Variants in FBXO32 observed in about 807,000 individuals in gnomAD.
FBXO32 encodes F-box only protein 32.
In FBXO32, 15 loss-of-function variants were observed where a neutral mutation model predicts 48.3. The observed-to-expected ratio is 0.31, with a 90% CI of 0.21 to 0.48. The LOEUF (loss-of-function observed/expected upper bound fraction) is 0.48, where lower values mean the gene tolerates loss of function less well. FBXO32 is among the 20% of genes least tolerant of loss of function. FBXO32 has a pLI of 0.99. For missense variants in FBXO32, 309 were observed against 432.7 expected, an observed-to-expected ratio of 0.71 and a Z score of 2.54; for synonymous variants, 154 against 165.9, an observed-to-expected ratio of 0.93 and a Z score of 0.55.
chr8:123,507,438 G>GGGGTGTGTGTGTGT (rs371377453), intron 6 of FBXO32, among the ~76,000 whole-genome samples: 271 of 139,886 alleles, frequency 1.9e-3, no homozygotes, highest in African/African-American at 4.3e-3. Context: ...TCTGTGCTAG[G>GGGGTGTGTGTGTGT]GTGTGTGTGT....
chr8:123,513,171 G>A lies in FBXO32; in HGVS notation c.651+27C>T, dbSNP rs375536292. On this transcript the variant is annotated intron_variant, in intron 6 of 8. Transcript: ENST00000517956. This position sits in a 1 kb window ranked among gnomAD's most constrained non-coding sequence, Gnocchi z 4.3. ...TATCCCTGTGGAGGGACCCACTGCC[G>A]GGAGGAGGCTGGGCCTGCCCGCTTA... 104 of 1,612,924 alleles carry A rather than the reference G, an allele frequency of 6.4e-5. No homozygotes were observed. The highest frequency in any genetic ancestry group is 7.8e-5 in the Non-Finnish European group (92 of 1,179,226).
intron 6 of FBXO32, among the ~76,000 whole-genome samples, chr8:123,508,762 C>CT (rs1816679801): frequency 6.6e-6 from 1 of 152,110 alleles, no homozygotes; most frequent in South Asian, 2.1e-4. Flanking sequence ...AAAGCCTCTA[C>CT]TTTTTTGGTT....
chr8:123,528,541 T>C (rs1321057812), intron 4 of FBXO32, among the ~76,000 whole-genome samples: 4 of 152,240 alleles, frequency 2.6e-5, no homozygotes, highest in Non-Finnish European at 5.9e-5. Context: ...ACTGTCTTTA[T>C]GTCATTGGGG....
Position 123,540,958 on chromosome 8 carries a change from G to C in FBXO32, c.57C>G (p.Ala19=), listed in dbSNP as rs754378160. The change falls in exon 1 of 9, where the codon GCC becomes GCG. Residue 19 remains alanine (A), a synonymous_variant. Coordinates refer to ENST00000517956, the MANE Select transcript of FBXO32 (RefSeq NM_058229.4). This position sits in a 1 kb window ranked among gnomAD's most constrained non-coding sequence, Gnocchi z 6.4. Reference sequence around the variant, plus strand: ...CATCCAGGAAGCGCTTCCAGCCGTCGGCCGTCTTCACCCAGTTCTGCCCGG... The same window carrying C: ...CATCCAGGAAGCGCTTCCAGCCGTCCGCCGTCTTCACCCAGTTCTGCCCGG... ...RSPGQNWVKT[A]DGWKRFLDEK... 4.3e-6 allele frequency: 7 copies of C among 1,613,444 alleles called. No individual in the cohort carries two copies. The African/African-American group carries it at 6.7e-5, about 15-fold the overall frequency.
In FBXO32 at chr8:123,499,490, A is replaced by C. The variant is rs1052766188; in HGVS notation, c.*3883T>G. ...AGATTAAAAAAAAAAAAAAGATGTC[A>C]ACATAGAAAATGATGATAGAGTTTA... On this transcript the variant is annotated 3_prime_UTR_variant, in exon 9 of 9. Transcript: ENST00000517956. 1 of 152,080 alleles carries C rather than the reference A, an allele frequency of 6.6e-6. No individual in the cohort carries two copies. Among genetic ancestry groups the C allele is most frequent in the Non-Finnish European group, 1.5e-5 (1 of 68,018 alleles). The allele number at this position is 152,080 out of a possible 1,614,324, so 9.4% of individuals were successfully genotyped here.
intron 1 of FBXO32, among the ~76,000 whole-genome samples, chr8:123,535,311 A>T (rs1295893103): frequency 6.6e-6 from 1 of 152,232 alleles, no homozygotes; most frequent in African/African-American, 2.4e-5. Flanking sequence ...TTTAAAGTAT[A>T]CTTAAGCTGC....
chr8:123,536,567 C>T (rs1817313411), intron 1 of FBXO32, among the ~76,000 whole-genome samples: 1 of 152,166 alleles, frequency 6.6e-6, no homozygotes, highest in Non-Finnish European at 1.5e-5. Flanking sequence ...CATGATGTAC[C>T]ACAGCTGAGA....
At chr8:123,529,492 G>A (rs191814232) in intron 4 of FBXO32, among the ~76,000 whole-genome samples, 5 of 152,326 alleles carry the variant, frequency 3.3e-5, no homozygotes, top group East Asian at 1.9e-4. Flanking sequence ...CCGGGAAGTT[G>A]AGGTAAGTCA....
In FBXO32 at chr8:123,513,381, G is replaced by C; in HGVS notation, c.468C>G (p.Val156=). 6.2e-7 allele frequency: 1 copy of C among 1,612,574 alleles called. No homozygotes were observed. The highest frequency in any genetic ancestry group is 2.2e-5 in the East Asian group (1 of 44,856). Residue 156 remains valine, a splice_region_variant and synonymous_variant, in exon 6 of 9, where the codon GTC becomes GTG. Coordinates refer to ENST00000517956, the MANE Select transcript of FBXO32 (RefSeq NM_058229.4). The surrounding 1 kb of genome is among the most constrained non-coding windows in gnomAD (Gnocchi z 4.3). ...GTCTAATGTTTTGCTGGTCTTCAAGGACTTGAGTAGGGAAGAAAAAAATAA... is the reference window on the plus strand; with the variant it reads ...GTCTAATGTTTTGCTGGTCTTCAAGCACTTGAGTAGGGAAGAAAAAAATAA... The part of the protein sequence containing the change: ...MNILEKVVLK[V]LEDQQNIRLI...
chr8:123,536,839 C>T lies in FBXO32; in HGVS notation c.117-2025G>A, dbSNP rs983812867. Among the ~76,000 whole-genome samples, 28 of 152,280 alleles carry T rather than the reference C, an allele frequency of 1.8e-4. 1 individual carries two copies. Among genetic ancestry groups the T allele is most frequent in the African/African-American group, 4.8e-4 (20 of 41,558 alleles). The stretch of plus-strand genomic sequence containing the variant: ...CATCTTACTCTTTTCCAATTGAAAA[C>T]GTTCTTTAAAGGAATTGGAGCACTC... On this transcript the variant is annotated intron_variant, in intron 1 of 8. Transcript: ENST00000517956.
intron 4 of FBXO32, among the ~76,000 whole-genome samples, chr8:123,524,749 C>T (rs1053201854): frequency 6.6e-6 from 1 of 152,216 alleles, no homozygotes; most frequent in African/African-American, 2.4e-5. Context: ...AACTCCTGAC[C>T]TCAGGCGATC....
At chr8:123,530,718 G>A (rs1411187544) in intron 4 of FBXO32, among the ~76,000 whole-genome samples, 2 of 151,766 alleles carry the variant, frequency 1.3e-5, no homozygotes, top group Non-Finnish European at 2.9e-5. Context: ...GGATTCAAGC[G>A]ATTCTCCTGC....
At chr8:123,533,960 G>A (rs1041195891) in intron 2 of FBXO32, among the ~76,000 whole-genome samples, 2 of 151,964 alleles carry the variant, frequency 1.3e-5, no homozygotes, top group Non-Finnish European at 2.9e-5. Flanking sequence ...GGGTATGGTG[G>A]CAGGTGCTTG....
At chr8:123,530,362 C>T (rs1030575698) in intron 4 of FBXO32, among the ~76,000 whole-genome samples, 5 of 151,962 alleles carry the variant, frequency 3.3e-5, no homozygotes, top group Non-Finnish European at 5.9e-5. Context: ...GACATGGCAC[C>T]GAGAAGCACA....
In FBXO32 at chr8:123,506,670, C is replaced by T. The variant is rs934196386; in HGVS notation, c.652-96G>A. 1 of 1,056,278 alleles carries T rather than the reference C, an allele frequency of 9.5e-7. No homozygotes were observed. Among genetic ancestry groups the T allele is most frequent in the African/African-American group, 1.6e-5 (1 of 62,482 alleles). 65.4% of individuals were successfully genotyped at this position (1,056,278 alleles called of 1,614,324 possible). A position where few individuals can be genotyped will look rare whatever the true frequency, so the allele number is the denominator to read the frequency against. On this transcript the variant is annotated intron_variant, in intron 6 of 8. Transcript: ENST00000517956. The surrounding 1 kb of genome is among the most constrained non-coding windows in gnomAD (Gnocchi z 4.0). ...CATGCAGCTGTGCCCGTCCTCCACCCTCAAGGCAGTTTATTGATAAGAGGT... is the reference window on the plus strand; with the variant it reads ...CATGCAGCTGTGCCCGTCCTCCACCTTCAAGGCAGTTTATTGATAAGAGGT...
chr8:123,534,331 A>G (rs1817271060), intron 2 of FBXO32, among the ~76,000 whole-genome samples: 1 of 152,242 alleles, frequency 6.6e-6, no homozygotes, highest in South Asian at 2.1e-4. Flanking sequence ...TAAGATTTAT[A>G]CAAGGAAAGA....
At chr8:123,504,402 C>T (rs1816567192) in intron 8 of FBXO32, among the ~76,000 whole-genome samples, 1 of 152,006 alleles carries the variant, frequency 6.6e-6, no homozygotes, top group Non-Finnish European at 1.5e-5. Context: ...AAAAAGTAAA[C>T]ATAAGAAAGT....
At chr8:123,505,591 C>T (rs1816600142) in intron 7 of FBXO32, among the ~76,000 whole-genome samples, 1 of 152,100 alleles carries the variant, frequency 6.6e-6, no homozygotes, top group East Asian at 1.9e-4. Flanking sequence ...CAAAAATTAG[C>T]CAGGCATGGC....
chr8:123,533,118 T>C, intron 3 of FBXO32, 73 bp downstream of exon 3: 1 of 1,154,246 alleles, frequency 8.7e-7, no homozygotes, highest in Non-Finnish European at 1.3e-6. Flanking sequence ...TTTCCCTCCC[T>C]ACCATATCCC....
Sources: gnomAD v4.1 joint callset for allele counts (sites outside exome capture counted in the v4.1 genomes callset) on GRCh38, gnomAD v4.1.1 for gene constraint, Gnocchi (gnomAD v3.1) non-coding constraint, MANE v1.5 for transcripts, NCBI Gene and HGNC (gene_info 2026-07-23, HGNC 2026-07-21) for gene names.